GABRA5: variants seen among roughly 807,000 people sequenced by gnomAD.
The protein encoded by GABRA5 is gamma-aminobutyric acid type A receptor subunit alpha5, also known as gamma-aminobutyric acid receptor subunit alpha-5.
A neutral mutation model predicts 47.3 loss-of-function variants in GABRA5; 18 were observed. The observed-to-expected ratio is 0.38, with a 90% CI of 0.26 to 0.56. The LOEUF is 0.56. Among genes scored for constraint, GABRA5 ranks in the 20% least tolerant of loss-of-function variants. The probability of loss-of-function intolerance (pLI) is 0.71; values close to 1 mark genes in which losing one functional copy is unlikely to be tolerated. For missense variants in GABRA5, 365 were observed against 599.3 expected (o/e 0.61, Z 4.08); for synonymous variants, 237 against 229.3 (o/e 1.03, Z -0.30).
intron 6 of GABRA5, among the ~76,000 whole-genome samples, chr15:26,910,548 C>A (rs963262842): frequency 6.6e-6 from 1 of 150,478 alleles, no homozygotes; most frequent in Non-Finnish European, 1.5e-5. Flanking sequence ...TGCAGTGAGC[C>A]AAGATCATGC....
intron 6 of GABRA5, among the ~76,000 whole-genome samples, chr15:26,913,469 A>T (rs1257133491): frequency 2.0e-5 from 3 of 152,210 alleles, no homozygotes; most frequent in Admixed American, 2.0e-4. Flanking sequence ...CTATTTTCAC[A>T]GAAGGAAGTA....
intron 6 of GABRA5, among the ~76,000 whole-genome samples, chr15:26,913,148 A>G (rs1889709487): frequency 6.7e-6 from 1 of 148,198 alleles, no homozygotes; most frequent in Admixed American, 6.9e-5. Flanking sequence ...GCGCCACTGC[A>G]CTCCAGCCTG....
At chr15:26,942,617 C>A (rs1894411420) in intron 9 of GABRA5, among the ~76,000 whole-genome samples, 1 of 152,106 alleles carries the variant, frequency 6.6e-6, no homozygotes, top group South Asian at 2.1e-4. Flanking sequence ...GTATCACTCA[C>A]TCTACACGTC....
intron 6 of GABRA5, among the ~76,000 whole-genome samples, chr15:26,902,445 A>G (rs1248070656): frequency 6.6e-6 from 1 of 152,068 alleles, no homozygotes; most frequent in Non-Finnish European, 1.5e-5. Flanking sequence ...CATTGCTGAT[A>G]TATAATAAAA....
rs1023405900 is a variant in GABRA5, at chr15:26,868,274, C to G, written c.-139-455C>G. On this transcript the variant is annotated intron_variant, in intron 1 of 10. Coordinates refer to ENST00000335625, the MANE Select transcript of GABRA5 (RefSeq NM_000810.4). ...GACGAGCCCCCCGGACGCGCCCAGG[C>G]GACCACCGCATGGCACCCTGCCCTT... Among the ~76,000 whole-genome samples, 33 of 152,074 alleles carry G rather than the reference C, an allele frequency of 2.2e-4. 1 individual carries two copies. Among genetic ancestry groups the G allele is most frequent in the Middle Eastern group, 3.2e-3 (1 of 314 alleles).
At chr15:26,876,781 G>A (rs1022345808) in intron 3 of GABRA5, among the ~76,000 whole-genome samples, 1 of 152,218 alleles carries the variant, frequency 6.6e-6, no homozygotes, top group Non-Finnish European at 1.5e-5. Context: ...AAGAGCGGTG[G>A]TATTAGAGCG....
Position 26,880,769 on chromosome 15 carries a change from C to T in GABRA5, c.87-77C>T, listed in dbSNP as rs912291076. On this transcript the variant is annotated intron_variant, in intron 3 of 10. Transcript: ENST00000335625. Reference sequence around the variant, plus strand: ...CAGGAGACAAGCCTCCACGTGACTCCCTGGTTTCTGTATCTTGAGAAGAAT... The same window carrying T: ...CAGGAGACAAGCCTCCACGTGACTCTCTGGTTTCTGTATCTTGAGAAGAAT... 27 of 1,509,162 alleles carry T rather than the reference C, an allele frequency of 1.8e-5. No individual in the cohort carries two copies. In the East Asian group the frequency reaches 6.2e-4, roughly 35 times the overall value. The allele number at this position is 1,509,162 out of a possible 1,614,324, so 93.5% of individuals were successfully genotyped here.
At chr15:26,875,355 T>C (rs544204961) in intron 3 of GABRA5, among the ~76,000 whole-genome samples, 1 of 152,264 alleles carries the variant, frequency 6.6e-6, no homozygotes, top group African/African-American at 2.4e-5. Flanking sequence ...TGGACCATGC[T>C]CTCACCATGC....
chr15:26,904,122 C>T (rs980252516), intron 6 of GABRA5, among the ~76,000 whole-genome samples: 1 of 151,932 alleles, frequency 6.6e-6, no homozygotes, highest in African/African-American at 2.4e-5. Context: ...GTATTTAATC[C>T]ATCTTTAATA....
At position 26,947,914 on chromosome 15, in the gene GABRA5, AT is replaced by A; in HGVS notation, c.1090-18del. The A allele has an allele frequency of 6.4e-7, 1 of 1,554,514 alleles. No individual in the cohort carries two copies. Among genetic ancestry groups the A allele is most frequent in the Non-Finnish European group, 8.7e-7 (1 of 1,147,724 alleles). Reference sequence around the variant, plus strand: ...TTGCCTGCAAATGGCGTGTCCTTACATTCGTATTATATTTTGCAGAAAAAGC... The same window carrying A: ...TTGCCTGCAAATGGCGTGTCCTTACATCGTATTATATTTTGCAGAAAAAGC... On this transcript the variant is annotated intron_variant, in intron 10 of 10. Coordinates refer to ENST00000335625, the MANE Select transcript of GABRA5 (RefSeq NM_000810.4).
chr15:26,942,025 C>T (rs879209882), intron 9 of GABRA5, among the ~76,000 whole-genome samples: 7 of 152,176 alleles, frequency 4.6e-5, no homozygotes, highest in Admixed American at 4.6e-4. Flanking sequence ...CCCCCATCGC[C>T]CACACAGGTG....
intron 6 of GABRA5, among the ~76,000 whole-genome samples, chr15:26,897,476 G>A (rs900563941): frequency 6.6e-6 from 1 of 152,096 alleles, no homozygotes; most frequent in Non-Finnish European, 1.5e-5. Flanking sequence ...GAAAATACAT[G>A]TCTGTAGTTT....
Position 26,948,498 on chromosome 15 carries a change from T to C in GABRA5, c.*265T>C, listed in dbSNP as rs1056411783. The C allele has an allele frequency of 2.3e-6, 1 of 430,654 alleles. No individual in the cohort carries two copies. Among genetic ancestry groups the C allele is most frequent in the Non-Finnish European group, 4.1e-6 (1 of 242,580 alleles). 26.7% of individuals were successfully genotyped at this position (430,654 alleles called of 1,614,324 possible). On this transcript the variant is annotated 3_prime_UTR_variant, in exon 11 of 11. Coordinates refer to ENST00000335625, the MANE Select transcript of GABRA5 (RefSeq NM_000810.4). ...ACACTCAGATGCCCAGTATCATACG[T>C]TGATAGTTTACAAACAAGATACGTA...
At chr15:26,936,964 G>T (rs1022481792) in intron 7 of GABRA5, among the ~76,000 whole-genome samples, 1 of 152,176 alleles carries the variant, frequency 6.6e-6, no homozygotes, top group Admixed American at 6.5e-5. Flanking sequence ...ACCGGGAAGT[G>T]CCAGACAGCA....
At chr15:26,874,676 A>T (rs1892550462) in intron 3 of GABRA5, among the ~76,000 whole-genome samples, 1 of 152,248 alleles carries the variant, frequency 6.6e-6, no homozygotes. Flanking sequence ...TACTGTGGAG[A>T]AAGATCATTT....
intron 10 of GABRA5, among the ~76,000 whole-genome samples, chr15:26,946,353 C>G (rs1173515256): frequency 6.6e-6 from 1 of 151,908 alleles, no homozygotes; most frequent in Non-Finnish European, 1.5e-5. Flanking sequence ...CTGCTGTTAA[C>G]ACTTACGTAT....
intron 7 of GABRA5, among the ~76,000 whole-genome samples, chr15:26,928,965 T>C (rs1017223852): frequency 3.9e-5 from 6 of 152,224 alleles, no homozygotes; most frequent in African/African-American, 1.2e-4. Context: ...CATAACATAA[T>C]CACCTCCCAA....
At chr15:26,868,363 C>A (rs1892377215) in intron 1 of GABRA5, among the ~76,000 whole-genome samples, 1 of 151,876 alleles carries the variant, frequency 6.6e-6, no homozygotes, top group African/African-American at 2.4e-5. Flanking sequence ...TCTCCCAATT[C>A]CGGAGTTTGC....
intron 4 of GABRA5, among the ~76,000 whole-genome samples, chr15:26,882,556 A>G (rs952835788): frequency 6.6e-6 from 1 of 152,156 alleles, no homozygotes; most frequent in Non-Finnish European, 1.5e-5. Flanking sequence ...CACTTTTATC[A>G]CTTTACCTAT....
Sources: allele counts gnomAD v4.1 joint callset (sites outside exome capture counted in the v4.1 genomes callset), GRCh38; gene constraint gnomAD v4.1.1; transcripts MANE v1.5; gene names NCBI Gene and HGNC (gene_info 2026-07-23, HGNC 2026-07-21).